DIAPH2: variants seen among roughly 807,000 people sequenced by gnomAD.
The protein encoded by DIAPH2 is protein diaphanous homolog 2.
Under a neutral mutation model 92.7 loss-of-function variants are expected in DIAPH2, and 35 were observed. The ratio of observed to expected loss-of-function variants is 0.38; its 90% CI spans 0.29 to 0.50. The LOEUF is 0.50. Ranked by LOEUF, DIAPH2 falls within the 20% of genes least tolerant of loss-of-function variation. The pLI is 0.94. For missense variants in DIAPH2, 701 were observed against 819.5 expected, an observed-to-expected ratio of 0.86 and a Z score of 1.77; for synonymous variants, 301 against 280.4, an observed-to-expected ratio of 1.07 and a Z score of -0.73.
In DIAPH2 at chrX:97,602,324, T is replaced by A. The variant is rs1370056835; in HGVS notation, c.*3007T>A. The A allele has an allele frequency of 8.9e-6, 1 of 112,425 alleles. No homozygotes were observed. Among genetic ancestry groups the A allele is most frequent in the Non-Finnish European group, 1.9e-5 (1 of 53,323 alleles). 9.3% of individuals were successfully genotyped at this position (112,425 alleles called of 1,213,427 possible). Reference sequence around the variant, plus strand: ...ATCATCGGTTCAAAAGTTCCAAAGCTTATCATTTAGATCATCTAAATCAGG... The same window carrying A: ...ATCATCGGTTCAAAAGTTCCAAAGCATATCATTTAGATCATCTAAATCAGG... On this transcript the variant is annotated 3_prime_UTR_variant, in exon 27 of 27. Transcript: ENST00000324765.
chrX:97,416,326 A>G (rs1026634753), intron 25 of DIAPH2, among the ~76,000 whole-genome samples: 7 of 111,967 alleles, frequency 6.3e-5, no homozygotes, highest in African/African-American at 2.3e-4. Flanking sequence ...GTTTTGTACC[A>G]TGTCATCCTC....
chrX:97,350,409 C>T, intron 24 of DIAPH2, among the ~76,000 whole-genome samples: 1 of 111,173 alleles, frequency 9.0e-6, no homozygotes, highest in Non-Finnish European at 1.9e-5. Context: ...CCTTACCTCC[C>T]CAATACACAG....
At chrX:97,499,892 C>G (rs1395003885) in intron 26 of DIAPH2, among the ~76,000 whole-genome samples, 2 of 112,218 alleles carry the variant, frequency 1.8e-5, no homozygotes, top group Non-Finnish European at 3.8e-5. Context: ...ACTGAATTCC[C>G]CTTGCTCTCT....
At chrX:97,070,022 T>A (rs949852695) in intron 17 of DIAPH2, among the ~76,000 whole-genome samples, 2 of 111,796 alleles carry the variant, frequency 1.8e-5, no homozygotes, top group Non-Finnish European at 3.8e-5. Context: ...GCATTTTATC[T>A]TAGATAATGA....
chrX:97,457,165 C>T (rs776589531), intron 26 of DIAPH2, among the ~76,000 whole-genome samples: 6 of 111,448 alleles, frequency 5.4e-5, no homozygotes, highest in African/African-American at 9.8e-5. Context: ...GGATTACAGG[C>T]ACCCGCCACC....
rs906734930 is a variant in DIAPH2, at chrX:96,728,029, G to A, written c.133-7729G>A. Among the ~76,000 whole-genome samples the A allele has an allele frequency of 1.0e-3, 91 of 90,791 alleles. 1 individual carries two copies. The highest frequency in any genetic ancestry group is 1.3e-3 in the Non-Finnish European group (61 of 46,611). 78.8% of individuals were successfully genotyped at this position (90,791 alleles called of 115,157 possible). On this transcript the variant is annotated intron_variant, in intron 1 of 26. Transcript: ENST00000324765. ...ACTGCACTCCAGCCTGGGTGACAGA[G>A]GGAGACTCCGTCTCAAAAAAAAAAA...
intron 24 of DIAPH2, among the ~76,000 whole-genome samples, chrX:97,350,731 TC>T (rs2069204398): frequency 8.9e-6 from 1 of 112,055 alleles, no homozygotes; most frequent in Non-Finnish European, 1.9e-5. Context: ...CTCTAAGAAT[TC>T]TTTTCCCTGT....
chrX:96,926,097 A>G lies in DIAPH2; in HGVS notation c.979-4636A>G, dbSNP rs758520643. 9.0e-5 allele frequency among the ~76,000 whole-genome samples: 10 copies of G among 111,704 alleles called. No homozygotes were observed. In the South Asian group the frequency reaches 3.8e-3, roughly 42 times the overall value. ...GTACAATTTGTCACAGATAATGGCA[A>G]TATGGATAATCTGTCTGAGAATGCC... On this transcript the variant is annotated intron_variant, in intron 9 of 26. Transcript: ENST00000324765.
At chrX:97,071,094 G>A (rs1281477552) in intron 17 of DIAPH2, among the ~76,000 whole-genome samples, 1 of 110,884 alleles carries the variant, frequency 9.0e-6, no homozygotes, top group Non-Finnish European at 1.9e-5. Flanking sequence ...TCCTTGACTG[G>A]GTTCAAATTA....
chrX:97,372,659 A>T (rs2069459012), intron 24 of DIAPH2, among the ~76,000 whole-genome samples: 1 of 111,698 alleles, frequency 9.0e-6, no homozygotes, highest in African/African-American at 3.3e-5. Flanking sequence ...TTTTGTCTGA[A>T]ACCAAAAGAT....
intron 21 of DIAPH2, among the ~76,000 whole-genome samples, chrX:97,118,487 G>A (rs1433315890): frequency 9.0e-6 from 1 of 111,717 alleles, no homozygotes; most frequent in African/African-American, 3.3e-5. Context: ...GCTACCAAAG[G>A]TTAGGAGCAG....
intron 26 of DIAPH2, among the ~76,000 whole-genome samples, chrX:97,535,555 G>A (rs939852677): frequency 2.7e-5 from 3 of 111,201 alleles, no homozygotes; most frequent in African/African-American, 6.5e-5. Flanking sequence ...GGGTTCAAGC[G>A]ATTCTCCTGC....
In DIAPH2 at chrX:96,685,126, G is replaced by A; in HGVS notation, c.68G>A (p.Ser23Asn). Residue 23 changes from serine to asparagine, a missense_variant, in exon 1 of 27, where the codon AGC (serine) becomes AAC (asparagine). By Grantham distance (46) the Ser-to-Asn change is conservative. Transcript: ENST00000324765. Reference protein sequence around the residue: ...GGSEEPGGGRSNKRSAGNRAA... With the variant: ...GGSEEPGGGRNNKRSAGNRAA... Reference sequence around the variant, plus strand: ...AGCGAGGAACCCGGTGGGGGCCGGAGCAACAAGCGGAGCGCGGGGAACCGG... The same window carrying A: ...AGCGAGGAACCCGGTGGGGGCCGGAACAACAAGCGGAGCGCGGGGAACCGG... 1 of 1,016,584 alleles carries A rather than the reference G, an allele frequency of 9.8e-7. No individual in the cohort carries two copies. Among genetic ancestry groups the A allele is most frequent in the Non-Finnish European group, 1.3e-6 (1 of 794,211 alleles). The allele number at this position is 1,016,584 out of a possible 1,213,427, so 83.8% of individuals were successfully genotyped here.
chrX:96,945,236 C>T (rs1456721438), intron 13 of DIAPH2, among the ~76,000 whole-genome samples: 2 of 111,136 alleles, frequency 1.8e-5, no homozygotes, highest in Non-Finnish European at 3.8e-5. Context: ...CCATAGGATT[C>T]TGAAGTGTTT....
intron 26 of DIAPH2, among the ~76,000 whole-genome samples, chrX:97,507,166 A>AAG (rs2070842387): frequency 1.1e-5 from 1 of 92,038 alleles, no homozygotes; most frequent in African/African-American, 3.5e-5. Flanking sequence ...AAAAAAAAAA[A>AAG]TCCCTACCTT....
chrX:96,753,235 A>G (rs1010572867), intron 3 of DIAPH2, among the ~76,000 whole-genome samples: 1 of 111,919 alleles, frequency 8.9e-6, no homozygotes, highest in Non-Finnish European at 1.9e-5. Context: ...ATTTAACCAG[A>G]ATTTTTTTAG....
intron 23 of DIAPH2, among the ~76,000 whole-genome samples, chrX:97,275,727 G>A (rs1175315895): frequency 4.6e-5 from 5 of 108,404 alleles, no homozygotes; most frequent in African/African-American, 6.7e-5. Flanking sequence ...ATGGGCGGCC[G>A]GGCAGAGACG....
intron 17 of DIAPH2, among the ~76,000 whole-genome samples, chrX:97,034,774 T>C (rs1193938329): frequency 9.0e-6 from 1 of 111,232 alleles, no homozygotes; most frequent in Non-Finnish European, 1.9e-5. Context: ...AAAGTGTGTA[T>C]GTGTGGATTG....
chrX:97,191,029 T>C (rs572287301), intron 22 of DIAPH2, among the ~76,000 whole-genome samples: 1 of 108,955 alleles, frequency 9.2e-6, no homozygotes, highest in South Asian at 4.0e-4. Flanking sequence ...CTGACTCTCA[T>C]ACAGAGAAAT....
Sources: gnomAD v4.1 joint callset for allele counts (sites outside exome capture counted in the v4.1 genomes callset) on GRCh38, gnomAD v4.1.1 for gene constraint, MANE v1.5 for transcripts, NCBI Gene and HGNC (gene_info 2026-07-23, HGNC 2026-07-21) for gene names.